Variants in WFDC3 observed in about 807,000 individuals in gnomAD.
The protein encoded by WFDC3 is WAP four-disulfide core domain protein 3.
WFDC3 carries 15 observed loss-of-function variants against 25.8 expected under a neutral mutation model. The observed-to-expected ratio is 0.58, with a 90% CI of 0.39 to 0.89. WFDC3 has a LOEUF of 0.89. Among genes scored for constraint, WFDC3 ranks in the 40% least tolerant of loss-of-function variants. The pLI is 0.00. For synonymous variants in WFDC3, 103 were observed against 107.1 expected, an observed-to-expected ratio of 0.96 and a Z score of 0.24; for missense variants, 264 against 289.8, an observed-to-expected ratio of 0.91 and a Z score of 0.65.
chr20:45,776,620 AAGAAAAAAAAAAAAAATAT>A lies in WFDC3; in HGVS notation c.493+436_493+454del, dbSNP rs1250740141. ...CTCAAAAAAAAAAAAAAAGAAAAAAAAGAAAAAAAAAAAAAATATATATATATATATATATATATATGTG... is the reference window on the plus strand; with the variant it reads ...CTCAAAAAAAAAAAAAAAGAAAAAAAATATATATATATATATATATATGTG... On this transcript the variant is annotated intron_variant, in intron 5 of 6. Coordinates refer to ENST00000243938, the MANE Select transcript of WFDC3 (RefSeq NM_080614.2). 7.2e-3 allele frequency among the ~76,000 whole-genome samples: 563 copies of A among 78,286 alleles called. 15 individuals are homozygous for A. The highest frequency in any genetic ancestry group is 0.03 in the African/African-American group (522 of 17,476). The allele number at this position is 78,286 out of a possible 152,430, so 51.4% of individuals were successfully genotyped here.
At chr20:45,779,302 G>T (rs1376069358) in intron 4 of WFDC3, among the ~76,000 whole-genome samples, 7 of 152,198 alleles carry the variant, frequency 4.6e-5, no homozygotes, top group Admixed American at 4.6e-4. Context: ...AAGCAAGACT[G>T]GCCCAGTGCC....
At chr20:45,777,244 C>T in intron 4 of WFDC3, 35 bp from the exon 5 acceptor site, 1 of 1,459,054 alleles carries the variant, frequency 6.9e-7, no homozygotes, top group Non-Finnish European at 9.1e-7. Context: ...CAGAGACGCT[C>T]ACAATATGAA....
chr20:45,785,727 G>C (rs1319317828), intron 4 of WFDC3, among the ~76,000 whole-genome samples: 1 of 152,102 alleles, frequency 6.6e-6, no homozygotes, highest in East Asian at 1.9e-4. Flanking sequence ...AGACATAGAA[G>C]ACATGCCATC....
Position 45,775,549 on chromosome 20 carries a change from C to T in WFDC3, c.547G>A (p.Val183Met), listed in dbSNP as rs1360607110. ...CCAGCTTGACAATTCTCATCCATCA[C>T]ACAGCCAACAATGCACAGGCCCACC... ...VLVGLCIVGC[V>M]MDENCQAGEK... Residue 183 changes from valine to methionine, a missense_variant, in exon 6 of 7, where the codon GTG becomes ATG. Coordinates refer to ENST00000243938, the MANE Select transcript of WFDC3 (RefSeq NM_080614.2). 6.2e-7 allele frequency: 1 copy of T among 1,614,068 alleles called. No homozygotes were observed. The highest frequency in any genetic ancestry group is 8.5e-7 in the Non-Finnish European group (1 of 1,180,044).
At chr20:45,789,719 AG>A (rs1980859634) in intron 2 of WFDC3, among the ~76,000 whole-genome samples, 174 bp downstream of exon 2, 1 of 152,092 alleles carries the variant, frequency 6.6e-6, no homozygotes, top group Non-Finnish European at 1.5e-5. Flanking sequence ...GGGTAAAGAA[AG>A]CCAGGAAGAA....
intron 1 of WFDC3, among the ~76,000 whole-genome samples, chr20:45,791,575 G>A (rs1443937510): frequency 6.6e-6 from 1 of 152,154 alleles, no homozygotes; most frequent in African/African-American, 2.4e-5. Context: ...GGGATTACAG[G>A]CGTGAGCCAC....
At chr20:45,782,623 G>T (rs940476252) in intron 4 of WFDC3, among the ~76,000 whole-genome samples, 4 of 152,118 alleles carry the variant, frequency 2.6e-5, no homozygotes, top group Admixed American at 2.6e-4. Flanking sequence ...TGATCTGCCC[G>T]CATTGGCCTC....
rs3080047 is a variant in WFDC3 at position 45,776,278 on chromosome 20, C to CTGTGTGTGTGTGTGTGTG, written c.494-694_494-677dup. 3.0e-3 allele frequency among the ~76,000 whole-genome samples: 305 copies of CTGTGTGTGTGTGTGTGTG among 102,002 alleles called. 2 individuals carry two copies. Among genetic ancestry groups the CTGTGTGTGTGTGTGTGTG allele is most frequent in the East Asian group, 9.3e-3 (38 of 4,086 alleles). The allele number at this position is 102,002 out of a possible 152,430, so 66.9% of individuals were successfully genotyped here. On this transcript the variant is annotated intron_variant, in intron 5 of 6. Coordinates refer to ENST00000243938, the MANE Select transcript of WFDC3 (RefSeq NM_080614.2). The stretch of plus-strand genomic sequence containing the variant: ...CATTGGAACAGGAATGCTTTTATCT[C>CTGTGTGTGTGTGTGTGTG]TGTGTGTGTGTGTGTGTGTGTGTGT...
chr20:45,782,120 C>A (rs979549591), intron 4 of WFDC3, among the ~76,000 whole-genome samples: 12 of 152,178 alleles, frequency 7.9e-5, no homozygotes, highest in African/African-American at 2.4e-4. Context: ...CCCAAGAAGA[C>A]AACTGTCAGG....
chr20:45,775,574 C>T lies in WFDC3; in HGVS notation c.522G>A (p.Leu174=). ...CACAGCCAACAATGCACAGGCCCACCAGAACTTTTGGACAATCACCGCCCC... is the reference window on the plus strand; with the variant it reads ...CACAGCCAACAATGCACAGGCCCACTAGAACTTTTGGACAATCACCGCCCC... ...GGRGGDCPKV[L]VGLCIVGCVM... Residue 174 remains leucine (L), a synonymous_variant, in exon 6 of 7, where the codon CTG becomes CTA. Coordinates refer to ENST00000243938, the MANE Select transcript of WFDC3 (RefSeq NM_080614.2). The T allele has an allele frequency of 6.2e-7, 1 of 1,614,180 alleles. No individual in the cohort carries two copies. The highest frequency in any genetic ancestry group is 8.5e-7 in the Non-Finnish European group (1 of 1,180,036).
intron 2 of WFDC3, among the ~76,000 whole-genome samples, chr20:45,789,331 C>G (rs1250252592): frequency 1.3e-5 from 2 of 151,922 alleles, no homozygotes; most frequent in Non-Finnish European, 2.9e-5. Flanking sequence ...ACAGTGAAAC[C>G]CCATCTCTAC....
At chr20:45,775,373 A>C (rs541478923) in intron 6 of WFDC3, 44 bp downstream of exon 6, 1 of 1,598,316 alleles carries the variant, frequency 6.3e-7, no homozygotes, top group East Asian at 2.2e-5. Context: ...TGCTTTGCAC[A>C]TAGCAGTTGT....
intron 2 of WFDC3, 136 bp from the exon 3 acceptor site, chr20:45,789,195 C>A (rs1980827228): frequency 1.7e-6 from 2 of 1,205,772 alleles, no homozygotes; most frequent in Admixed American, 3.5e-5. Context: ...CAGAATGAGA[C>A]CCTGTCTCTT....
chr20:45,781,174 GGGA>G (rs1034399662), intron 4 of WFDC3, among the ~76,000 whole-genome samples: 2 of 150,854 alleles, frequency 1.3e-5, no homozygotes, highest in Non-Finnish European at 3.0e-5. Context: ...GCTTGAACCT[GGGA>G]GGCAGAGGTT....
At chr20:45,787,803 C>A in intron 4 of WFDC3, 33 bp downstream of exon 4, 2 of 1,580,096 alleles carry the variant, frequency 1.3e-6, no homozygotes, top group East Asian at 2.3e-5. Context: ...GCAGACCAAA[C>A]AGACCATGAG....
chr20:45,775,640 T>A (rs1220240968), intron 5 of WFDC3, 38 bp from the exon 6 acceptor site: 2 of 1,610,756 alleles, frequency 1.2e-6, no homozygotes, highest in Non-Finnish European at 1.7e-6. Flanking sequence ...GGACAGGGCA[T>A]CAGCTCTGCC....
intron 4 of WFDC3, among the ~76,000 whole-genome samples, chr20:45,783,954 C>T (rs1228190154): frequency 6.6e-6 from 1 of 152,188 alleles, no homozygotes; most frequent in Non-Finnish European, 1.5e-5. Flanking sequence ...CCCCGCTCAG[C>T]CCAGCAGGCT....
chr20:45,777,315 T>A, intron 4 of WFDC3, 106 bp from the exon 5 acceptor site: 2 of 1,112,924 alleles, frequency 1.8e-6, no homozygotes, highest in African/African-American at 1.6e-5. Context: ...TATATACATA[T>A]ATAATGTAAA....
intron 4 of WFDC3, among the ~76,000 whole-genome samples, chr20:45,781,085 C>CAAA (rs796825499): frequency 9.4e-6 from 1 of 106,372 alleles, no homozygotes; most frequent in Non-Finnish European, 1.8e-5. Context: ...ACTAAAAATA[C>CAAA]AAAAAAAAAA....
Sources: allele counts gnomAD v4.1 joint callset (sites outside exome capture counted in the v4.1 genomes callset), GRCh38; gene constraint gnomAD v4.1.1; transcripts MANE v1.5; gene names NCBI Gene and HGNC (gene_info 2026-07-23, HGNC 2026-07-21).